The following MMAB variants were observed in gnomAD, a reference collection of about 807,000 sequenced individuals.
MMAB encodes metabolism of cobalamin associated B.
A neutral mutation model predicts 30.6 loss-of-function variants in MMAB; 17 were observed. The observed-to-expected ratio is 0.56, with a 90% CI of 0.38 to 0.83. The LOEUF is 0.83. MMAB is among the 40% of genes least tolerant of loss of function. The pLI is 0.00. For missense variants in MMAB, 311 were observed against 331.6 expected (o/e 0.94, Z 0.48); for synonymous variants, 134 against 138.6 (o/e 0.97, Z 0.23).
chr12:109,573,213 T>C (rs1884720557), intron 1 of MMAB, 134 bp downstream of exon 1: 2 of 1,234,116 alleles, frequency 1.6e-6, no homozygotes, highest in Non-Finnish European at 2.3e-6. Context: ...CACGTTGCCA[T>C]GGTGACGTCA....
chr12:109,567,399 T>G (rs1334720300), intron 3 of MMAB, among the ~76,000 whole-genome samples: 2 of 152,106 alleles, frequency 1.3e-5, no homozygotes, highest in African/African-American at 4.8e-5. Context: ...AATTTGCAGC[T>G]GGGTCTGTCT....
In MMAB at chr12:109,561,810, G is replaced by A; in HGVS notation, c.391C>T (p.Pro131Ser). 6.2e-7 allele frequency: 1 copy of A among 1,610,120 alleles called. No homozygotes were observed. Among genetic ancestry groups the A allele is most frequent in the East Asian group, 2.2e-5 (1 of 44,784 alleles). Reference protein sequence around the residue: ...LQDVGSALATPCSSAREAHLK... With the variant: ...LQDVGSALATSCSSAREAHLK... Reference sequence around the variant, plus strand: ...TGAGCCTCCCGGGCCGAGGAGCATGGTGTCGCCAGGGCCGAGCCGACGTCC... The same window carrying A: ...TGAGCCTCCCGGGCCGAGGAGCATGATGTCGCCAGGGCCGAGCCGACGTCC... Residue 131 changes from proline to serine, a missense_variant, in exon 5 of 9, where the codon CCA becomes TCA. By Grantham distance (74) the Pro-to-Ser change is moderately conservative. Coordinates refer to ENST00000545712, the MANE Select transcript of MMAB (RefSeq NM_052845.4). The surrounding 1 kb of genome is among the most constrained non-coding windows in gnomAD (Gnocchi z 5.3).
rs751071850 is a variant in MMAB, at chr12:109,556,924, C to T, written c.*104G>A. Reference sequence around the variant, plus strand: ...GCTGGGACAAAAGGCTGCTTTGAGCCTCTCTGGGTGAGCTCTTCAGGAACC... The same window carrying T: ...GCTGGGACAAAAGGCTGCTTTGAGCTTCTCTGGGTGAGCTCTTCAGGAACC... On this transcript the variant is annotated 3_prime_UTR_variant, in exon 9 of 9. Coordinates refer to ENST00000545712, the MANE Select transcript of MMAB (RefSeq NM_052845.4). 45 of 768,902 alleles carry T rather than the reference C, an allele frequency of 5.9e-5. No homozygotes were observed. The highest frequency in any genetic ancestry group is 9.4e-5 in the Non-Finnish European group (41 of 434,766). 47.6% of individuals were successfully genotyped at this position (768,902 alleles called of 1,614,324 possible).
Position 109,569,608 on chromosome 12 carries a change from C to T in MMAB, c.197-745G>A, listed in dbSNP as rs1884566491. Among the ~76,000 whole-genome samples the T allele has an allele frequency of 6.6e-6, 1 of 152,240 alleles. No homozygotes were observed. The highest frequency in any genetic ancestry group is 1.9e-4 in the East Asian group (1 of 5,200). The stretch of plus-strand genomic sequence containing the variant: ...CTGCCTAGCTCACAGTCCCGCCTTT[C>T]TCCCCCAACCTCTGAGAAAGTGAAA... On this transcript the variant is annotated intron_variant, in intron 2 of 8. Coordinates refer to ENST00000545712, the MANE Select transcript of MMAB (RefSeq NM_052845.4). The surrounding 1 kb of genome is among the most constrained non-coding windows in gnomAD (Gnocchi z 4.1).
intron 7 of MMAB, 68 bp downstream of exon 7, chr12:109,560,969 CTCT>C: frequency 1.2e-6 from 1 of 844,568 alleles, no homozygotes; most frequent in Non-Finnish European, 1.9e-6. Flanking sequence ...CCTCCTCTCC[CTCT>C]CCCTCCCCCC....
chr12:109,559,202 C>T, intron 7 of MMAB, 47 bp from the exon 8 acceptor site: 1 of 1,420,080 alleles, frequency 7.0e-7, no homozygotes, highest in African/African-American at 1.4e-5. Flanking sequence ...TGGGGCTCAA[C>T]AGGCTCTGAC....
At chr12:109,560,937 CT>C in intron 7 of MMAB, 102 bp downstream of exon 7, 2 of 1,066,050 alleles carry the variant, frequency 1.9e-6, no homozygotes, top group Non-Finnish European at 2.8e-6. Flanking sequence ...GCAGAGGCCC[CT>C]CTCCCTCTCC....
rs1884731300 is a variant in MMAB at position 109,573,321 on chromosome 12, AGTTGCCCTTCCCGCCAGCCACTCACCT to A, written c.133_134+25del. The A allele has an allele frequency of 6.2e-7, 1 of 1,611,680 alleles. No individual in the cohort carries two copies. The highest frequency in any genetic ancestry group is 1.7e-5 in the Admixed American group (1 of 59,972). On this transcript the variant is annotated splice_donor_variant and splice_donor_5th_base_variant and coding_sequence_variant and intron_variant, in exon 1 of 9. Transcript: ENST00000545712. LOFTEE classifies it high-confidence loss of function. The stretch of plus-strand genomic sequence containing the variant: ...CACCACGATTCACGGCAGGTGTTCG[AGTTGCCCTTCCCGCCAGCCACTCACCT>A]GTCCCCGTCTTCCACGCCCTGAGGG...
At chr12:109,557,551 A>AGGGCTGGGCT (rs1001159649) in intron 8 of MMAB, among the ~76,000 whole-genome samples, 1 of 152,094 alleles carries the variant, frequency 6.6e-6, no homozygotes. Context: ...CTGACTCAGG[A>AGGGCTGGGCT]GGGCTGGGCT....
At chr12:109,560,970 T>TGGGGGGGC in intron 7 of MMAB, 70 bp downstream of exon 7, 1 of 808,200 alleles carries the variant, frequency 1.2e-6, no homozygotes. Flanking sequence ...CTCCTCTCCC[T>TGGGGGGGC]CTCCCTCCCC....
At position 109,561,585 on chromosome 12, in the gene MMAB, C is replaced by T; in HGVS notation, c.422-68G>A. The T allele has an allele frequency of 1.5e-6, 2 of 1,377,130 alleles. No individual in the cohort carries two copies. The highest frequency in any genetic ancestry group is 5.0e-5 in the East Asian group (2 of 40,150). The allele number at this position is 1,377,130 out of a possible 1,614,324, so 85.3% of individuals were successfully genotyped here. ...CCCACCAGACCATGGCGGGAACCAC[C>T]CCCGCCGCCCTTCCACCTGGGTGTC... is the stretch of plus-strand genomic sequence containing the variant. On this transcript the variant is annotated intron_variant, in intron 5 of 8. Transcript: ENST00000545712. The surrounding 1 kb of genome is among the most constrained non-coding windows in gnomAD (Gnocchi z 5.3).
chr12:109,556,491 G>A lies in MMAB; in HGVS notation c.*537C>T. ...CACTTTGGCGGTGATGGGTGGCTCA[G>A]AGGTGACTAAACTTCCAAATCTTGT... On this transcript the variant is annotated 3_prime_UTR_variant, in exon 9 of 9. Coordinates refer to ENST00000545712, the MANE Select transcript of MMAB (RefSeq NM_052845.4). The A allele has an allele frequency of 2.2e-6, 1 of 454,092 alleles. No homozygotes were observed. The highest frequency in any genetic ancestry group is 4.4e-6 in the Non-Finnish European group (1 of 226,786). 28.1% of individuals were successfully genotyped at this position (454,092 alleles called of 1,614,324 possible). A position where few individuals can be genotyped will look rare whatever the true frequency, so the allele number is the denominator to read the frequency against.
intron 7 of MMAB, among the ~76,000 whole-genome samples, chr12:109,560,465 C>G (rs939201581): frequency 1.3e-5 from 2 of 152,222 alleles, no homozygotes; most frequent in African/African-American, 4.8e-5. Context: ...TGGCTGGCAG[C>G]CTGGTCTCTG....
At chr12:109,573,123 A>ATGCCC (rs969220011) in intron 1 of MMAB, 1 of 617,580 alleles carries the variant, frequency 1.6e-6, no homozygotes, top group Non-Finnish European at 2.9e-6. Context: ...CACATGGGAT[A>ATGCCC]TGCCCTGCCC....
In MMAB at chr12:109,571,632, ACCTGTCCCCAC is replaced by A; in HGVS notation, c.196+6_196+16del. 6.2e-7 allele frequency: 1 copy of A among 1,612,130 alleles called. No individual in the cohort carries two copies. The highest frequency in any genetic ancestry group is 8.5e-7 in the Non-Finnish European group (1 of 1,178,248). ...CCATGAGTATTTCTTTGCATTTTTC[ACCTGTCCCCAC>A]CCTACCTTTGTCTCCCGTTTTGGTG... On this transcript the variant is annotated splice_donor_region_variant and intron_variant, in intron 2 of 8. Transcript: ENST00000545712.
chr12:109,563,297 G>C (rs141534117), intron 4 of MMAB, among the ~76,000 whole-genome samples: 27 of 152,342 alleles, frequency 1.8e-4, no homozygotes, highest in Admixed American at 5.2e-4. Flanking sequence ...GGGCAAGTCA[G>C]CCTTTCTGAG....
chr12:109,557,257 T>C (rs1267562941), intron 8 of MMAB, 121 bp from the exon 9 acceptor site: 1 of 764,204 alleles, frequency 1.3e-6, no homozygotes, highest in Non-Finnish European at 2.3e-6. Flanking sequence ...GGGCACATTG[T>C]GCAGGGAGGG....
chr12:109,566,601 C>T (rs1406927050), intron 3 of MMAB, among the ~76,000 whole-genome samples: 1 of 152,238 alleles, frequency 6.6e-6, no homozygotes, highest in African/African-American at 2.4e-5. Context: ...AAGCCTGCTC[C>T]CACCCTCGTA....
intron 4 of MMAB, among the ~76,000 whole-genome samples, chr12:109,564,379 GTTTT>G (rs869192707): frequency 1.6e-5 from 2 of 126,756 alleles, no homozygotes; most frequent in Admixed American, 8.1e-5. Context: ...GGAGACAGAG[GTTTT>G]TTTTTTTTTT....
Sources: allele counts gnomAD v4.1 joint callset (sites outside exome capture counted in the v4.1 genomes callset), GRCh38; gene constraint gnomAD v4.1.1; non-coding constraint Gnocchi (gnomAD v3.1); transcripts MANE v1.5; gene names NCBI Gene and HGNC (gene_info 2026-07-23, HGNC 2026-07-21).